The following PDLIM5 variants were observed in gnomAD, a reference collection of about 807,000 sequenced individuals.
PDLIM5 encodes PDZ and LIM domain 5.
In PDLIM5, 34 loss-of-function variants were observed where a neutral mutation model predicts 64.2. The observed-to-expected ratio is 0.53, with a 90% confidence interval of 0.40 to 0.71. The LOEUF (loss-of-function observed/expected upper bound fraction) is 0.71. Ranked by LOEUF, PDLIM5 falls within the 30% of genes least tolerant of loss-of-function variation. The pLI, the probability that PDLIM5 is intolerant of heterozygous loss-of-function variation, is 0.00. For missense variants in PDLIM5, 683 were observed against 733.6 expected, an observed-to-expected ratio of 0.93 and a Z score of 0.80; for synonymous variants, 253 against 269.1, an observed-to-expected ratio of 0.94 and a Z score of 0.59.
At chr4:94,508,260 A>G (rs1341093152) in intron 2 of PDLIM5, among the ~76,000 whole-genome samples, 2 of 152,224 alleles carry the variant, frequency 1.3e-5, no homozygotes, top group African/African-American at 4.8e-5. Flanking sequence ...GAAGTGATCT[A>G]CTAACATTTG....
rs1280075304 is a variant in PDLIM5 at position 94,461,827 on chromosome 4, A to G, written c.96+6443A>G. Reference sequence around the variant, plus strand: ...GAGAGTAAAATGAACTGGAAATGTTAATAGGAGGGAATGAGAAAGAAAAAG... The same window carrying G: ...GAGAGTAAAATGAACTGGAAATGTTGATAGGAGGGAATGAGAAAGAAAAAG... On this transcript the variant is annotated intron_variant, in intron 2 of 12. Coordinates refer to ENST00000317968, the MANE Select transcript of PDLIM5 (RefSeq NM_006457.5). Among the ~76,000 whole-genome samples, 3 of 152,056 alleles carry G rather than the reference A, an allele frequency of 2.0e-5. No individual in the cohort carries two copies. The East Asian group carries it at 5.8e-4, about 29-fold the overall frequency.
At chr4:94,551,227 C>T (rs1394621062) in intron 3 of PDLIM5, among the ~76,000 whole-genome samples, 2 of 151,942 alleles carry the variant, frequency 1.3e-5, no homozygotes, top group South Asian at 2.1e-4. Flanking sequence ...TTCTGTGAAG[C>T]GATATTATTT....
chr4:94,626,209 C>T (rs938518623), intron 8 of PDLIM5, among the ~76,000 whole-genome samples: 3 of 152,068 alleles, frequency 2.0e-5, no homozygotes, highest in Non-Finnish European at 2.9e-5. Flanking sequence ...ATACAATGGG[C>T]GGCCTAAAAG....
chr4:94,463,141 G>A (rs1724047454), intron 2 of PDLIM5, among the ~76,000 whole-genome samples: 1 of 152,142 alleles, frequency 6.6e-6, no homozygotes, highest in South Asian at 2.1e-4. Context: ...TTTTGGCATA[G>A]TGCCCTGTCA....
intron 2 of PDLIM5, among the ~76,000 whole-genome samples, chr4:94,514,416 G>C (rs893744062): frequency 1.3e-5 from 2 of 152,058 alleles, no homozygotes; most frequent in African/African-American, 4.8e-5. Flanking sequence ...TTACAGGCGT[G>C]AGCCACTTCG....
intron 8 of PDLIM5, among the ~76,000 whole-genome samples, chr4:94,629,950 G>A (rs1311929346): frequency 1.3e-5 from 2 of 152,126 alleles, no homozygotes; most frequent in Non-Finnish European, 2.9e-5. Flanking sequence ...TATTGTTTAG[G>A]CTTTCAGCAT....
intron 2 of PDLIM5, among the ~76,000 whole-genome samples, chr4:94,464,607 T>C (rs1452891111): frequency 6.6e-6 from 1 of 152,206 alleles, no homozygotes; most frequent in Non-Finnish European, 1.5e-5. Context: ...CCCTTAGAAA[T>C]GTTCTGGAGA....
At chr4:94,601,309 G>A (rs577987042) in intron 7 of PDLIM5, among the ~76,000 whole-genome samples, 7 of 152,068 alleles carry the variant, frequency 4.6e-5, no homozygotes, top group Non-Finnish European at 8.8e-5. Context: ...TCTTATAAGG[G>A]ACCCCTTTCA....
chr4:94,621,645 A>G (rs558630885), intron 8 of PDLIM5, among the ~76,000 whole-genome samples: 2 of 152,314 alleles, frequency 1.3e-5, no homozygotes, highest in South Asian at 4.1e-4. Context: ...GGAAAGAAAA[A>G]GTTCATTTTT....
intron 2 of PDLIM5, among the ~76,000 whole-genome samples, chr4:94,523,516 A>C (rs1033956166): frequency 3.3e-5 from 5 of 152,158 alleles, no homozygotes. Context: ...TTTTTTATAG[A>C]GCAAATAAGA....
chr4:94,457,297 T>C (rs760384048), intron 2 of PDLIM5: 2 of 311,296 alleles, frequency 6.4e-6, no homozygotes, highest in Non-Finnish European at 9.4e-6. Context: ...TAAGGAAGTA[T>C]ATATATGTAA....
chr4:94,620,379 T>G (rs1044313575), intron 8 of PDLIM5, among the ~76,000 whole-genome samples: 4 of 151,954 alleles, frequency 2.6e-5, no homozygotes, highest in African/African-American at 9.7e-5. Context: ...ACTAAAAATA[T>G]AAAATATTAG....
intron 1 of PDLIM5, among the ~76,000 whole-genome samples, chr4:94,453,953 A>T (rs936239919): frequency 2.0e-5 from 3 of 152,080 alleles, no homozygotes; most frequent in East Asian, 1.9e-4. Flanking sequence ...ATTTTCCCTG[A>T]TATAATTTTT....
intron 2 of PDLIM5, among the ~76,000 whole-genome samples, chr4:94,458,923 G>C (rs188414922): frequency 4.7e-4 from 72 of 152,290 alleles, no homozygotes; most frequent in African/African-American, 1.7e-3. Flanking sequence ...TCAGGTTGCT[G>C]TAGCTGGATG....
chr4:94,658,665 C>T (rs1472023895), intron 11 of PDLIM5, among the ~76,000 whole-genome samples: 1 of 152,122 alleles, frequency 6.6e-6, no homozygotes, highest in Admixed American at 6.5e-5. Flanking sequence ...ATCATTCAGC[C>T]CTTCTTTGCC....
intron 2 of PDLIM5, among the ~76,000 whole-genome samples, chr4:94,475,479 C>A (rs1346378594): frequency 6.6e-6 from 1 of 152,118 alleles, no homozygotes; most frequent in Non-Finnish European, 1.5e-5. Context: ...TCAATGTGCC[C>A]TTCCCTAGAA....
intron 7 of PDLIM5, chr4:94,610,272 T>C: frequency 6.6e-7 from 1 of 1,519,720 alleles, no homozygotes; most frequent in African/African-American, 1.4e-5. Flanking sequence ...GCGCAGCTGC[T>C]ACTGTGTCTG....
chr4:94,516,398 A>G (rs1729359510), intron 2 of PDLIM5, among the ~76,000 whole-genome samples: 1 of 152,224 alleles, frequency 6.6e-6, no homozygotes, highest in African/African-American at 2.4e-5. Flanking sequence ...AGGATTACAC[A>G]TTTGCTCACA....
chr4:94,525,042 C>G (rs1411061382), intron 3 of PDLIM5, among the ~76,000 whole-genome samples: 2 of 152,092 alleles, frequency 1.3e-5, no homozygotes, highest in African/African-American at 4.8e-5. Flanking sequence ...ACCACTTTTT[C>G]TCCCTCCCCA....
Sources: gnomAD v4.1 joint callset for allele counts (sites outside exome capture counted in the v4.1 genomes callset) on GRCh38, gnomAD v4.1.1 for gene constraint, MANE v1.5 for transcripts, NCBI Gene and HGNC (gene_info 2026-07-23, HGNC 2026-07-21) for gene names.